Variants in FOXN2 observed in about 807,000 individuals in gnomAD.
FOXN2 encodes forkhead box N2.
In FOXN2, 19 loss-of-function variants were observed where a neutral mutation model predicts 41.2. That is an observed-to-expected ratio of 0.46 (90% CI 0.32 to 0.68). The LOEUF (loss-of-function observed/expected upper bound fraction) is 0.68, where lower values mean the gene tolerates loss of function less well. Ranked by LOEUF, FOXN2 falls within the 30% of genes least tolerant of loss-of-function variation. The pLI, the probability that FOXN2 is intolerant of heterozygous loss-of-function variation, is 0.03. For synonymous variants in FOXN2, 195 were observed against 176.8 expected, an observed-to-expected ratio of 1.10 and a Z score of -0.82; for missense variants, 587 against 509.4, an observed-to-expected ratio of 1.15 and a Z score of -1.47.
chr2:48,353,896 G>A (rs996155076), intron 3 of FOXN2, among the ~76,000 whole-genome samples: 12 of 150,642 alleles, frequency 8.0e-5, no homozygotes, highest in Admixed American at 6.0e-4. Flanking sequence ...TGTAGTCTCC[G>A]TTTAAATTTA....
intron 2 of FOXN2, among the ~76,000 whole-genome samples, chr2:48,330,732 C>T (rs62138815): frequency 0.1 from 15,614 of 151,928 alleles, 1,095 homozygotes; most frequent in South Asian, 0.2. Flanking sequence ...TTAAGACCAC[C>T]TAAAAAGAAT....
chr2:48,337,291 C>CT (rs368224826), intron 2 of FOXN2, among the ~76,000 whole-genome samples: 34,475 of 140,520 alleles, frequency 0.25, 4,282 homozygotes, highest in South Asian at 0.31. Flanking sequence ...GATTGGATCT[C>CT]TTTTTTTTTT....
At position 48,358,681 on chromosome 2, in the gene FOXN2, C is replaced by T. The variant is rs565505967; in HGVS notation, c.538-366C>T. 2.6e-5 allele frequency among the ~76,000 whole-genome samples: 4 copies of T among 152,048 alleles called. No individual in the cohort carries two copies. The South Asian group carries it at 8.3e-4, about 31-fold the overall frequency. ...AGCTTATATCATAGAAGATTTGATA[C>T]ACGCAAAAAGGAGTATGAGAATGGG... is the stretch of plus-strand genomic sequence containing the variant. On this transcript the variant is annotated intron_variant, in intron 3 of 6. Coordinates refer to ENST00000340553, the MANE Select transcript of FOXN2 (RefSeq NM_002158.4).
chr2:48,324,835 G>A (rs2104138419), intron 1 of FOXN2, among the ~76,000 whole-genome samples: 1 of 152,294 alleles, frequency 6.6e-6, no homozygotes, highest in African/African-American at 2.4e-5. Context: ...AAGAGGAAAT[G>A]TAAATGCAGT....
rs576534975 is a variant in FOXN2 at position 48,377,636 on chromosome 2, C to T, written c.*2193C>T. 3.7e-4 allele frequency: 57 copies of T among 152,104 alleles called. No homozygotes were observed. Among genetic ancestry groups the T allele is most frequent in the African/African-American group, 1.3e-3 (53 of 41,542 alleles). 9.4% of individuals were successfully genotyped at this position (152,104 alleles called of 1,614,324 possible). ...TCTTCCTTTTTATTCACTCTTCCCA[C>T]GAATTTAAATGTTTAAGTTATATTC... On this transcript the variant is annotated 3_prime_UTR_variant, in exon 7 of 7. Transcript: ENST00000340553.
At chr2:48,331,545 C>G (rs11682633) in intron 2 of FOXN2, among the ~76,000 whole-genome samples, 16,832 of 152,144 alleles carry the variant, frequency 0.11, 1,376 homozygotes, top group East Asian at 0.46. Flanking sequence ...GCCAGGCACA[C>G]TGTTTCACAC....
Position 48,336,418 on chromosome 2 carries a change from A to AAAAAT in FOXN2, c.-15+7717_-15+7718insAAATA, listed in dbSNP as rs535900555. Among the ~76,000 whole-genome samples the AAAAAT allele has an allele frequency of 8.1e-4, 119 of 147,454 alleles. 1 individual carries two copies. Among genetic ancestry groups the AAAAAT allele is most frequent in the South Asian group, 2.1e-3 (10 of 4,696 alleles). On this transcript the variant is annotated intron_variant, in intron 2 of 6. Transcript: ENST00000340553. ...GCAAGCCTCAGTTTCCAAAAAAAAAAATATATATATATGTATATGTGTGTG... is the reference window on the plus strand; with the variant it reads ...GCAAGCCTCAGTTTCCAAAAAAAAAAAAAATATATATATATATGTATATGTGTGTG...
At chr2:48,314,218 C>T (rs1200584590), upstream of FOXN2, among the ~76,000 whole-genome samples, 1 of 152,276 alleles carries the variant, frequency 6.6e-6, no homozygotes, top group East Asian at 1.9e-4. Context: ...GCACAGGCAC[C>T]GAGGGCCGTA....
intron 2 of FOXN2, among the ~76,000 whole-genome samples, chr2:48,334,491 C>A (rs1304435812): frequency 6.6e-6 from 1 of 152,146 alleles, no homozygotes; most frequent in African/African-American, 2.4e-5. Context: ...CATCTGTTTC[C>A]AGCAGCATGG....
At chr2:48,354,867 A>G (rs1390124672) in intron 3 of FOXN2, among the ~76,000 whole-genome samples, 2 of 152,240 alleles carry the variant, frequency 1.3e-5, no homozygotes, top group Non-Finnish European at 2.9e-5. Context: ...TGTGAGGGAC[A>G]TTCAAATTAA....
At chr2:48,370,009 GAAAAGAAAAAAA>G (rs1442519411) in intron 5 of FOXN2, among the ~76,000 whole-genome samples, 1 of 147,772 alleles carries the variant, frequency 6.8e-6, no homozygotes, top group Non-Finnish European at 1.5e-5. Flanking sequence ...CTCAAAAAAA[GAAAAGAAAAAAA>G]AAAAGAAAAA....
chr2:48,375,291 G>C lies in FOXN2; in HGVS notation c.1144G>C (p.Gly382Arg). The part of the protein sequence containing the change: ...CAKISEKGQS[G>R]KKMRKQTCQE... ...AAAAATCTCTGAAAAAGGGCAGTCA[G>C]GCAAAAAGATGCGAAAACAGACATG... is the stretch of plus-strand genomic sequence containing the variant. The change falls in exon 7 of 7, where the codon GGC becomes CGC. Residue 382 changes from glycine (G) to arginine (R), a missense_variant. By Grantham distance (125) the Gly-to-Arg change is moderately radical (BLOSUM62 -2). Coordinates refer to ENST00000340553, the MANE Select transcript of FOXN2 (RefSeq NM_002158.4). 6.2e-7 allele frequency: 1 copy of C among 1,613,954 alleles called. No individual in the cohort carries two copies. Among genetic ancestry groups the C allele is most frequent in the Non-Finnish European group, 8.5e-7 (1 of 1,179,962 alleles).
chr2:48,353,760 C>T (rs1422912872), intron 3 of FOXN2, among the ~76,000 whole-genome samples: 1 of 151,812 alleles, frequency 6.6e-6, no homozygotes, highest in Non-Finnish European at 1.5e-5. Context: ...AAATCATCTC[C>T]CTATCCTTCC....
At chr2:48,354,705 A>G (rs1671674599) in intron 3 of FOXN2, among the ~76,000 whole-genome samples, 1 of 152,270 alleles carries the variant, frequency 6.6e-6, no homozygotes, top group Non-Finnish European at 1.5e-5. Context: ...TACTATCAAC[A>G]GTATACCATT....
At chr2:48,373,983 A>G (rs1673071875) in intron 6 of FOXN2, among the ~76,000 whole-genome samples, 2 of 151,158 alleles carry the variant, frequency 1.3e-5, no homozygotes, top group Non-Finnish European at 2.9e-5. Context: ...TGAACCTGGG[A>G]GGTGGGGGTT....
intron 4 of FOXN2, among the ~76,000 whole-genome samples, chr2:48,360,400 C>A (rs1672094158): frequency 6.6e-6 from 1 of 152,090 alleles, no homozygotes; most frequent in Non-Finnish European, 1.5e-5. Context: ...AATGAACTCC[C>A]AGCTGCAGCA....
At chr2:48,368,161 G>A (rs546238868) in intron 5 of FOXN2, among the ~76,000 whole-genome samples, 1 of 152,076 alleles carries the variant, frequency 6.6e-6, no homozygotes, top group South Asian at 2.1e-4. Context: ...GTGTTGACAC[G>A]GTTTTGTTTG....
intron 1 of FOXN2, among the ~76,000 whole-genome samples, chr2:48,321,893 C>T (rs1669348113): frequency 6.6e-6 from 1 of 152,154 alleles, no homozygotes; most frequent in Non-Finnish European, 1.5e-5. Flanking sequence ...AACTACAGGT[C>T]TAGTGGCTGA....
chr2:48,319,286 A>G (rs564161122), intron 1 of FOXN2, among the ~76,000 whole-genome samples: 2 of 152,284 alleles, frequency 1.3e-5, no homozygotes, highest in South Asian at 4.1e-4. Context: ...TGAGGAGATA[A>G]AAAACATTAA....
Sources: allele counts gnomAD v4.1 joint callset (sites outside exome capture counted in the v4.1 genomes callset), GRCh38; gene constraint gnomAD v4.1.1; transcripts MANE v1.5; gene names NCBI Gene and HGNC (gene_info 2026-07-23, HGNC 2026-07-21).